Variants in STK32A observed in about 807,000 individuals in gnomAD.
STK32A encodes the protein serine/threonine kinase 32A.
In STK32A, 41 loss-of-function variants were observed where a neutral mutation model predicts 53.2. The ratio of observed to expected loss-of-function variants is 0.77; its 90% CI spans 0.60 to 1.00. The LOEUF (loss-of-function observed/expected upper bound fraction) is 1.00, where lower values mean the gene tolerates loss of function less well. Among genes scored for constraint, STK32A ranks in the 50% least tolerant of loss-of-function variants. The probability of loss-of-function intolerance (pLI) is 0.00; values close to 1 mark genes in which losing one functional copy is unlikely to be tolerated. For missense variants in STK32A, 458 were observed against 485.8 expected (o/e 0.94, Z 0.54); for synonymous variants, 166 against 162.8 (o/e 1.02, Z -0.15).
At chr5:147,388,479 G>T (rs934312062), downstream of STK32A, among the ~76,000 whole-genome samples, 4 of 152,164 alleles carry the variant, frequency 2.6e-5, no homozygotes, top group African/African-American at 9.7e-5. Context: ...TGTTGTCCAG[G>T]TCATGTTAAG....
intron 4 of STK32A, among the ~76,000 whole-genome samples, chr5:147,302,569 A>C (rs1276259546): frequency 6.6e-6 from 1 of 152,210 alleles, no homozygotes; most frequent in African/African-American, 2.4e-5. Flanking sequence ...TGTAATTGTC[A>C]TGGGGCCTTG....
chr5:147,344,201 A>G (rs1458749463), intron 6 of STK32A, among the ~76,000 whole-genome samples: 1 of 152,182 alleles, frequency 6.6e-6, no homozygotes, highest in African/African-American at 2.4e-5. Context: ...AACTCCAAGT[A>G]CCATCTATTG....
intron 2 of STK32A, among the ~76,000 whole-genome samples, chr5:147,255,337 A>T (rs558408739): frequency 1.3e-5 from 2 of 152,100 alleles, no homozygotes; most frequent in East Asian, 3.9e-4. Flanking sequence ...GATAAGGTGG[A>T]GGTTAGTTAA....
chr5:147,242,499 GT>G (rs57237962), intron 2 of STK32A, among the ~76,000 whole-genome samples: 11,305 of 152,278 alleles, frequency 0.074, 589 homozygotes, highest in African/African-American at 0.15. Context: ...GACAGTGACA[GT>G]GATGGTGAGG....
At chr5:147,253,794 T>G (rs1020039773) in intron 2 of STK32A, among the ~76,000 whole-genome samples, 3 of 152,220 alleles carry the variant, frequency 2.0e-5, no homozygotes, top group African/African-American at 7.2e-5. Flanking sequence ...CTACTGAACA[T>G]GCCAGAGCTT....
At chr5:147,270,113 C>A (rs941113995) in intron 2 of STK32A, among the ~76,000 whole-genome samples, 1 of 152,064 alleles carries the variant, frequency 6.6e-6, no homozygotes, top group South Asian at 2.1e-4. Context: ...ATCATTTTAA[C>A]AATCTTGAAG....
chr5:147,293,298 C>T (rs1242337422), intron 4 of STK32A, among the ~76,000 whole-genome samples: 1 of 151,864 alleles, frequency 6.6e-6, no homozygotes, highest in Non-Finnish European at 1.5e-5. Flanking sequence ...CTTTTGGAAT[C>T]TCATTCAATT....
rs1205248303 is a variant in STK32A, at chr5:147,348,554, CCTT to C, written c.473-2508_473-2506del. The stretch of plus-strand genomic sequence containing the variant: ...TTGTAGGAATCAATTGGCTCTAAAA[CCTT>C]CTCTACCTTCCACTTCTACATGAGC... On this transcript the variant is annotated intron_variant, in intron 6 of 12. Transcript: ENST00000397936. 41 of 663,706 alleles carry C rather than the reference CCTT, an allele frequency of 6.2e-5. No individual in the cohort carries two copies. In the African/African-American group the frequency reaches 6.4e-4, roughly 10 times the overall value. The allele number at this position is 663,706 out of a possible 1,614,324, so 41.1% of individuals were successfully genotyped here.
intron 4 of STK32A, among the ~76,000 whole-genome samples, chr5:147,310,125 G>A (rs924940670): frequency 2.6e-5 from 4 of 152,236 alleles, no homozygotes; most frequent in South Asian, 4.2e-4. Context: ...TCCTGGTAGC[G>A]TTTCTACTGC....
intron 6 of STK32A, among the ~76,000 whole-genome samples, chr5:147,349,661 G>A (rs4705166): frequency 0.23 from 34,856 of 151,934 alleles, 5,300 homozygotes; most frequent in African/African-American, 0.43. Flanking sequence ...AGACCCTAGA[G>A]ATCATTTAGT....
chr5:147,270,380 T>C (rs910884760), intron 2 of STK32A, among the ~76,000 whole-genome samples: 1 of 128,076 alleles, frequency 7.8e-6, no homozygotes, highest in African/African-American at 3.1e-5. Context: ...ACTCGACTAA[T>C]GTTTAATTTT....
chr5:147,293,257 T>C (rs1448157111), intron 4 of STK32A, among the ~76,000 whole-genome samples: 1 of 152,148 alleles, frequency 6.6e-6, no homozygotes, highest in East Asian at 1.9e-4. Context: ...TCGTAATTAT[T>C]ACTGATCATA....
At chr5:147,326,237 T>A (rs1376437453) in intron 5 of STK32A, among the ~76,000 whole-genome samples, 4 of 152,204 alleles carry the variant, frequency 2.6e-5, no homozygotes. Flanking sequence ...AACCAAGGAT[T>A]AACTTTCTGG....
intron 2 of STK32A, among the ~76,000 whole-genome samples, chr5:147,244,001 C>A (rs1473523689): frequency 2.6e-5 from 4 of 152,090 alleles, no homozygotes; most frequent in Non-Finnish European, 4.4e-5. Flanking sequence ...TTTCTCTTCT[C>A]GAATTGAAAC....
intron 9 of STK32A, among the ~76,000 whole-genome samples, chr5:147,371,649 T>C (rs1051661068): frequency 6.6e-6 from 1 of 152,188 alleles, no homozygotes; most frequent in African/African-American, 2.4e-5. Flanking sequence ...GAGAAGCATT[T>C]AGAAACTTTT....
intron 9 of STK32A, among the ~76,000 whole-genome samples, chr5:147,371,764 G>T (rs1757016028): frequency 6.6e-6 from 1 of 152,142 alleles, no homozygotes; most frequent in South Asian, 2.1e-4. Context: ...AAGTCACAAG[G>T]TGTCTATGTG....
At chr5:147,263,937 T>C (rs1039314907) in intron 2 of STK32A, among the ~76,000 whole-genome samples, 1 of 152,164 alleles carries the variant, frequency 6.6e-6, no homozygotes, top group Non-Finnish European at 1.5e-5. Flanking sequence ...TAGAAGTTTC[T>C]AGAGAAGAAA....
chr5:147,243,294 A>G (rs1753655032), intron 2 of STK32A, among the ~76,000 whole-genome samples: 1 of 120,766 alleles, frequency 8.3e-6, no homozygotes, highest in Non-Finnish European at 1.8e-5. Context: ...AAGGAGCAAG[A>G]TAAGAGGTTA....
intron 2 of STK32A, among the ~76,000 whole-genome samples, chr5:147,275,933 C>T (rs1219246602): frequency 6.6e-6 from 1 of 152,152 alleles, no homozygotes; most frequent in Non-Finnish European, 1.5e-5. Flanking sequence ...GGATTAATAT[C>T]AACATGGAAC....
Sources: allele counts gnomAD v4.1 joint callset (sites outside exome capture counted in the v4.1 genomes callset), GRCh38; gene constraint gnomAD v4.1.1; transcripts MANE v1.5; gene names NCBI Gene and HGNC (gene_info 2026-07-23, HGNC 2026-07-21).